GLYATL2: variants seen among roughly 807,000 people sequenced by gnomAD.
GLYATL2 encodes glycine N-acyltransferase-like protein 2.
Under a neutral mutation model 21.4 loss-of-function variants are expected in GLYATL2, and 25 were observed. The ratio of observed to expected loss-of-function variants is 1.17; its 90% CI spans 0.85 to 1.63. The LOEUF is 1.63. Ranked by LOEUF, GLYATL2 falls within the 40% of genes most tolerant of loss-of-function variation. GLYATL2 has a pLI of 0.00. For synonymous variants in GLYATL2, 114 were observed against 118.2 expected, an observed-to-expected ratio of 0.96 and a Z score of 0.23; for missense variants, 361 against 343.3, an observed-to-expected ratio of 1.05 and a Z score of -0.41.
intron 1 of GLYATL2, among the ~76,000 whole-genome samples, chr11:58,888,133 C>T (rs1445380160): frequency 1.3e-5 from 2 of 152,044 alleles, no homozygotes; most frequent in Admixed American, 1.3e-4. Flanking sequence ...TACTTCTGAA[C>T]TGTTTATGTT....
intron 1 of GLYATL2, among the ~76,000 whole-genome samples, chr11:58,856,283 A>G (rs190564669): frequency 4.1e-4 from 62 of 152,318 alleles, no homozygotes; most frequent in African/African-American, 1.4e-3. Context: ...CTCAGGATTA[A>G]GCTTTTGTTT....
chr11:58,834,288 A>C lies in GLYATL2; in HGVS notation c.*141T>G. The C allele has an allele frequency of 1.7e-6, 1 of 586,284 alleles. No homozygotes were observed. Among genetic ancestry groups the C allele is most frequent in the Non-Finnish European group, 2.8e-6 (1 of 361,132 alleles). The allele number at this position is 586,284 out of a possible 1,614,324, so 36.3% of individuals were successfully genotyped here. On this transcript the variant is annotated 3_prime_UTR_variant, in exon 6 of 6. Transcript: ENST00000287275. ...TAAGAATACAGAGGAGAAGGAAGGTAAAACTGTTAAGGGTGAGCTTAAGTA... is the reference window on the plus strand; with the variant it reads ...TAAGAATACAGAGGAGAAGGAAGGTCAAACTGTTAAGGGTGAGCTTAAGTA...
At position 58,893,746 on chromosome 11, in the gene GLYATL2, T is replaced by TA. The variant is rs1182582475; in HGVS notation, n.60+10409dup. ...TAACTAGAAAGCCAGGCTCAGTTCT[T>TA]ACCTCTGGGAATCAGAACTCTTTAT... On this transcript the variant is annotated intron_variant and non_coding_transcript_variant, in intron 1 of 4. Coordinates refer to the GLYATL2 transcript ENST00000533636. 2.0e-5 allele frequency among the ~76,000 whole-genome samples: 3 copies of TA among 152,194 alleles called. No individual in the cohort carries two copies. The East Asian group carries it at 5.8e-4, about 29-fold the overall frequency.
chr11:58,896,280 C>A (rs1854633746), intron 1 of GLYATL2, among the ~76,000 whole-genome samples: 1 of 152,190 alleles, frequency 6.6e-6, no homozygotes, highest in African/African-American at 2.4e-5. Flanking sequence ...AAATGGCACA[C>A]CTGGCACAAC....
chr11:58,871,507 C>T (rs1488735636), intron 1 of GLYATL2, among the ~76,000 whole-genome samples: 1 of 141,638 alleles, frequency 7.1e-6, no homozygotes, highest in Non-Finnish European at 1.5e-5. Context: ...TTGTTCAATT[C>T]CCACCTATGA....
chr11:58,842,795 A>G lies in GLYATL2; in HGVS notation c.-41+1639T>C, dbSNP rs975834310. 2.0e-5 allele frequency among the ~76,000 whole-genome samples: 3 copies of G among 152,298 alleles called. No individual in the cohort carries two copies. In the East Asian group the frequency reaches 5.8e-4, roughly 29 times the overall value. On this transcript the variant is annotated intron_variant, in intron 1 of 5. Coordinates refer to ENST00000287275, the MANE Select transcript of GLYATL2 (RefSeq NM_145016.4). ...TGAATTTTAACTTCATAGAGGCAAGAGGTGCTCCTTACAACTTTTGCTTTG... is the reference window on the plus strand; with the variant it reads ...TGAATTTTAACTTCATAGAGGCAAGGGGTGCTCCTTACAACTTTTGCTTTG...
chr11:58,858,734 T>C (rs1029511810), intron 1 of GLYATL2, among the ~76,000 whole-genome samples: 9 of 152,218 alleles, frequency 5.9e-5, no homozygotes, highest in African/African-American at 2.2e-4. Context: ...TTATTGTTCT[T>C]GGTTGTTTTC....
chr11:58,871,536 T>G (rs1442501535), intron 1 of GLYATL2, among the ~76,000 whole-genome samples: 1 of 151,834 alleles, frequency 6.6e-6, no homozygotes, highest in African/African-American at 2.4e-5. Context: ...ATGCAGTGTT[T>G]GGTTTTTTGT....
chr11:58,909,652 G>A, the GLYATL2 span, among the ~76,000 whole-genome samples: 1 of 152,172 alleles, frequency 6.6e-6, no homozygotes, highest in Non-Finnish European at 1.5e-5. Context: ...TGGCGAATAA[G>A]ACAGCTGCAT....
At chr11:58,838,771 A>G (rs572434126) in intron 2 of GLYATL2, among the ~76,000 whole-genome samples, 10 of 152,276 alleles carry the variant, frequency 6.6e-5, no homozygotes, top group Admixed American at 6.5e-4. Flanking sequence ...TTAAGTTTAG[A>G]AGGATAGAGA....
In GLYATL2 at chr11:58,834,585, A is replaced by T. The variant is rs778753480; in HGVS notation, c.729T>A (p.Tyr243Ter). 6.2e-7 allele frequency: 1 copy of T among 1,613,988 alleles called. No homozygotes were observed. Among genetic ancestry groups the T allele is most frequent in the Non-Finnish European group, 8.5e-7 (1 of 1,179,966 alleles). Residue 243 changes from tyrosine (Y) to a stop codon, truncating the protein, a stop_gained, in exon 6 of 6, where the codon TAT (tyrosine) becomes TAA (stop). Transcript: ENST00000287275. LOFTEE classifies it low-confidence loss of function (END_TRUNC). ...RHQGNMLQIG[Y>*]HLEKYLSQKE... ...TCTGAGAAAGATACTTTTCAAGATG[A>T]TAACCAATTTGCAACATGTTGCCTT...
At chr11:58,907,013 T>TA (rs1302405387), upstream of GLYATL2, among the ~76,000 whole-genome samples, 1 of 152,152 alleles carries the variant, frequency 6.6e-6, no homozygotes, top group East Asian at 1.9e-4. Context: ...CAATAAAAGG[T>TA]TGATCTGAGC....
chr11:58,872,098 T>C (rs1854132909), intron 1 of GLYATL2, among the ~76,000 whole-genome samples: 2 of 152,244 alleles, frequency 1.3e-5, no homozygotes, highest in Non-Finnish European at 2.9e-5. Flanking sequence ...GAATTGTCTG[T>C]TCATATCCTT....
intron 1 of GLYATL2, among the ~76,000 whole-genome samples, chr11:58,881,608 T>C (rs1343677438): frequency 6.6e-6 from 1 of 152,194 alleles, no homozygotes; most frequent in African/African-American, 2.4e-5. Context: ...ATTATTATAC[T>C]TTAAGTTGTA....
intron 1 of GLYATL2, among the ~76,000 whole-genome samples, chr11:58,896,896 A>G (rs1278822471): frequency 6.6e-6 from 1 of 152,018 alleles, no homozygotes; most frequent in Non-Finnish European, 1.5e-5. Flanking sequence ...TCCCCTCTCC[A>G]CCTAGAATTC....
chr11:58,862,062 AAAAAAAACAG>A (rs1266669799), intron 1 of GLYATL2, among the ~76,000 whole-genome samples: 1 of 3,450 alleles, frequency 2.9e-4, no homozygotes, highest in Non-Finnish European at 0.011. Context: ...CAAACAAACA[AAAAAAAACAG>A]ATTTTGTTGG....
chr11:58,867,017 A>T (rs1854033900), intron 1 of GLYATL2, among the ~76,000 whole-genome samples: 1 of 148,918 alleles, frequency 6.7e-6, no homozygotes, highest in Non-Finnish European at 1.5e-5. Flanking sequence ...AGCAGCCCAG[A>T]GGCCCTTGAC....
intron 5 of GLYATL2, 66 bp downstream of exon 5, chr11:58,836,949 G>GTAC: frequency 7.1e-7 from 1 of 1,402,016 alleles, no homozygotes; most frequent in Admixed American, 1.8e-5. Flanking sequence ...ACATTTCCAA[G>GTAC]TACAGCCTTT....
intron 5 of GLYATL2, among the ~76,000 whole-genome samples, chr11:58,835,574 G>A (rs1047672219): frequency 6.6e-6 from 1 of 152,202 alleles, no homozygotes; most frequent in African/African-American, 2.4e-5. Context: ...CAGGGAGAAA[G>A]AGTTTTGAGA....
Sources: gnomAD v4.1 joint callset for allele counts (sites outside exome capture counted in the v4.1 genomes callset) on GRCh38, gnomAD v4.1.1 for gene constraint, MANE v1.5 for transcripts, NCBI Gene and HGNC (gene_info 2026-07-23, HGNC 2026-07-21) for gene names.